XPNPEP3: variants seen among roughly 807,000 people sequenced by gnomAD.
The protein encoded by XPNPEP3 is X-prolyl aminopeptidase 3, also known as xaa-Pro aminopeptidase 3.
In XPNPEP3, 41 loss-of-function variants were observed where a neutral mutation model predicts 60.0. The observed-to-expected ratio is 0.68, with a 90% CI of 0.53 to 0.89. The LOEUF is 0.89. XPNPEP3 is among the 40% of genes least tolerant of loss of function. XPNPEP3 has a pLI of 0.00. For missense variants in XPNPEP3, 598 were observed against 638.9 expected (o/e 0.94, Z 0.69); for synonymous variants, 212 against 223.2 (o/e 0.95, Z 0.45).
intron 7 of XPNPEP3, among the ~76,000 whole-genome samples, chr22:40,921,889 T>C (rs2058217851): frequency 6.6e-6 from 1 of 152,166 alleles, no homozygotes; most frequent in Non-Finnish European, 1.5e-5. Flanking sequence ...ACTTAAGTGC[T>C]AGTACATTAC....
At chr22:40,860,990 G>T in intron 1 of XPNPEP3, 2 of 1,365,910 alleles carry the variant, frequency 1.5e-6, no homozygotes, top group Non-Finnish European at 2.0e-6. Flanking sequence ...ATAGTATTAA[G>T]TGTTATCTAC....
chr22:40,868,653 G>C (rs771636697), intron 1 of XPNPEP3, among the ~76,000 whole-genome samples: 3 of 151,950 alleles, frequency 2.0e-5, no homozygotes, highest in Admixed American at 6.6e-5. Context: ...TCAAGAGTTC[G>C]AGACCAGCCT....
At chr22:40,904,765 A>C (rs144316729) in intron 4 of XPNPEP3, among the ~76,000 whole-genome samples, 93 of 152,124 alleles carry the variant, frequency 6.1e-4, no homozygotes, top group Admixed American at 3.1e-3. Flanking sequence ...TTGATTTTTT[A>C]ATTTTTTTAT....
At chr22:40,868,916 A>G in intron 1 of XPNPEP3, 83 bp from the exon 2 acceptor site, 1 of 1,093,174 alleles carries the variant, frequency 9.1e-7, no homozygotes, top group Admixed American at 1.7e-5. Flanking sequence ...TAAAGCATCT[A>G]AACTGCTAGA....
At chr22:40,858,612 A>T (rs553633235) in intron 1 of XPNPEP3, among the ~76,000 whole-genome samples, 1 of 141,342 alleles carries the variant, frequency 7.1e-6, no homozygotes, top group East Asian at 2.1e-4. Flanking sequence ...CCTTACTGCA[A>T]CCTCCACCTC....
chr22:40,890,106 C>G (rs2058083180), intron 4 of XPNPEP3, among the ~76,000 whole-genome samples: 1 of 152,154 alleles, frequency 6.6e-6, no homozygotes, highest in South Asian at 2.1e-4. Flanking sequence ...TTCAGTCTCT[C>G]AATGTATTTG....
chr22:40,866,609 G>A (rs1344229907), intron 1 of XPNPEP3, among the ~76,000 whole-genome samples: 1 of 152,150 alleles, frequency 6.6e-6, no homozygotes, highest in Admixed American at 6.6e-5. Flanking sequence ...AGATAAGGGA[G>A]CAGGATCCAA....
At position 40,911,219 on chromosome 22, in the gene XPNPEP3, T is replaced by C. The variant is rs1355245426; in HGVS notation, c.969+1984T>C. Among the ~76,000 whole-genome samples, 4 of 152,056 alleles carry C rather than the reference T, an allele frequency of 2.6e-5. No individual in the cohort carries two copies. The East Asian group carries it at 7.7e-4, about 29-fold the overall frequency. On this transcript the variant is annotated intron_variant, in intron 6 of 9. Transcript: ENST00000357137. ...TTTATTACCTTAATTACCAATGAAA[T>C]TGAGCATCATTTCTTATCTTTAGCA...
At chr22:40,917,923 A>T in intron 7 of XPNPEP3, 1 of 151,490 alleles carries the variant, frequency 6.6e-6, no homozygotes, top group East Asian at 1.9e-4. Context: ...AAGTGGGAGG[A>T]TCACCTGAGC....
rs989825018 is a variant in XPNPEP3, at chr22:40,891,179, CAAAAAAA to C, written c.792+4681_792+4687del. On this transcript the variant is annotated intron_variant, in intron 4 of 9. Coordinates refer to ENST00000357137, the MANE Select transcript of XPNPEP3 (RefSeq NM_022098.4). ...GCCTCATAGTAAGACCCCATTTCTA[CAAAAAAA>C]AAAAAAAAAAAAAAAAGTTTTTAAT... Among the ~76,000 whole-genome samples the C allele has an allele frequency of 6.8e-3, 301 of 43,944 alleles. 1 individual carries two copies. The highest frequency in any genetic ancestry group is 0.026 in the African/African-American group (274 of 10,676). 28.8% of individuals were successfully genotyped at this position (43,944 alleles called of 152,430 possible). A position where few individuals can be genotyped will look rare whatever the true frequency, so the allele number is the denominator to read the frequency against.
At chr22:40,863,407 G>A (rs1386271409) in intron 1 of XPNPEP3, among the ~76,000 whole-genome samples, 1 of 152,058 alleles carries the variant, frequency 6.6e-6, no homozygotes, top group East Asian at 1.9e-4. Context: ...CCTCCTCTAT[G>A]TTGTGTTTAT....
rs1320396951 is a variant in XPNPEP3, at chr22:40,893,282, C to A, written c.792+6767C>A. ...CAGCACTTTGGGAGGCCGAGGCAGG[C>A]GGATCACCTGAGGTTGGGAGTTTGA... On this transcript the variant is annotated intron_variant, in intron 4 of 9. Transcript: ENST00000357137. 1.1e-4 allele frequency among the ~76,000 whole-genome samples: 16 copies of A among 150,674 alleles called. No individual in the cohort carries two copies. In the East Asian group the frequency reaches 2.9e-3, roughly 28 times the overall value.
At chr22:40,918,585 G>T (rs1317765623) in intron 7 of XPNPEP3, among the ~76,000 whole-genome samples, 1 of 151,852 alleles carries the variant, frequency 6.6e-6, no homozygotes, top group South Asian at 2.1e-4. Flanking sequence ...TCAGGTGGCT[G>T]AGGTAGGAGA....
chr22:40,884,976 C>T (rs995862639), intron 3 of XPNPEP3, among the ~76,000 whole-genome samples: 2 of 150,570 alleles, frequency 1.3e-5, no homozygotes, highest in Admixed American at 6.6e-5. Context: ...TGCAGTGAGC[C>T]GAGATCGCGC....
intron 4 of XPNPEP3, among the ~76,000 whole-genome samples, chr22:40,893,534 A>G (rs1361859250): frequency 1.3e-5 from 2 of 149,990 alleles, no homozygotes; most frequent in Non-Finnish European, 3.0e-5. Context: ...AAAAAGATGC[A>G]TCCTGTGAAA....
intron 6 of XPNPEP3, among the ~76,000 whole-genome samples, chr22:40,913,168 G>A (rs2058182859): frequency 6.6e-6 from 1 of 151,962 alleles, no homozygotes; most frequent in South Asian, 2.1e-4. Flanking sequence ...GTATTATGAT[G>A]GAGAGCAAAA....
At chr22:40,873,019 G>T (rs1479395529) in intron 2 of XPNPEP3, among the ~76,000 whole-genome samples, 1 of 151,818 alleles carries the variant, frequency 6.6e-6, no homozygotes, top group Non-Finnish European at 1.5e-5. Context: ...GGGCTACTCA[G>T]GGAGTTGGGC....
At chr22:40,883,373 A>T (rs977000494) in intron 3 of XPNPEP3, among the ~76,000 whole-genome samples, 2 of 151,082 alleles carry the variant, frequency 1.3e-5, no homozygotes, top group Non-Finnish European at 2.9e-5. Context: ...GTTTTTTTTT[A>T]GGCAGGGTCT....
chr22:40,887,460 A>G (rs985934276), intron 4 of XPNPEP3, among the ~76,000 whole-genome samples: 1 of 152,182 alleles, frequency 6.6e-6, no homozygotes, highest in Non-Finnish European at 1.5e-5. Context: ...GAAGTCCGAG[A>G]TCAAGGTGCC....
Sources: gnomAD v4.1 joint callset for allele counts (sites outside exome capture counted in the v4.1 genomes callset) on GRCh38, gnomAD v4.1.1 for gene constraint, MANE v1.5 for transcripts, NCBI Gene and HGNC (gene_info 2026-07-23, HGNC 2026-07-21) for gene names.